The following MYO7B variants were observed in gnomAD, a reference collection of about 807,000 sequenced individuals.
MYO7B encodes myosin VIIB, also known as unconventional myosin-VIIb.
Under a neutral mutation model 259.7 loss-of-function variants are expected in MYO7B, and 212 were observed. The observed-to-expected ratio is 0.82, with a 90% CI of 0.73 to 0.91. The LOEUF (loss-of-function observed/expected upper bound fraction) is 0.91. Among genes scored for constraint, MYO7B ranks in the 40% least tolerant of loss-of-function variants. MYO7B has a pLI of 0.00. For missense variants in MYO7B, 2,732 were observed against 2,813.5 expected, an observed-to-expected ratio of 0.97 and a Z score of 0.66; for synonymous variants, 1,197 against 1,166.4, an observed-to-expected ratio of 1.03 and a Z score of -0.54.
chr2:127,588,756 G>GTGGA (rs1679406155), intron 15 of MYO7B, among the ~76,000 whole-genome samples: 4 of 145,102 alleles, frequency 2.8e-5, no homozygotes, highest in Admixed American at 6.9e-5. Flanking sequence ...TAGTGGGTGG[G>GTGGA]TGGATGGGTG....
At chr2:127,618,953 A>G (rs1401268693) in intron 26 of MYO7B, among the ~76,000 whole-genome samples, 1 of 151,888 alleles carries the variant, frequency 6.6e-6, no homozygotes, top group Non-Finnish European at 1.5e-5. Context: ...CATGCAGGAG[A>G]CAGATGGTAG....
chr2:127,580,203 C>T (rs1379639222), intron 9 of MYO7B, among the ~76,000 whole-genome samples: 2 of 152,178 alleles, frequency 1.3e-5, no homozygotes, highest in African/African-American at 4.8e-5. Flanking sequence ...CCAAAGGTCC[C>T]GTCCCCCACC....
intron 6 of MYO7B, among the ~76,000 whole-genome samples, chr2:127,570,984 C>T (rs1003357064): frequency 3.3e-5 from 5 of 152,196 alleles, no homozygotes; most frequent in African/African-American, 1.2e-4. Flanking sequence ...AGCTTCTCCA[C>T]CCGTTCAGGA....
rs978395946 is a variant in MYO7B at position 127,636,452 on chromosome 2, A to T, written c.6124-93A>T. 16 of 1,412,818 alleles carry T rather than the reference A, an allele frequency of 1.1e-5. 1 individual carries two copies. In the South Asian group the frequency reaches 1.6e-4, roughly 14 times the overall value. The allele number at this position is 1,412,818 out of a possible 1,614,324, so 87.5% of individuals were successfully genotyped here. On this transcript the variant is annotated intron_variant, in intron 45 of 47. Coordinates refer to ENST00000409816, the MANE Select transcript of MYO7B (RefSeq NM_001393586.1). The surrounding 1 kb of genome is among the most constrained non-coding windows in gnomAD (Gnocchi z 4.5). ...CCGTGAGGCTGGAGGGCGTGGGTGTATGTGTGTATGTGCGTGTGGCCTAGA... is the reference window on the plus strand; with the variant it reads ...CCGTGAGGCTGGAGGGCGTGGGTGTTTGTGTGTATGTGCGTGTGGCCTAGA...
intron 15 of MYO7B, among the ~76,000 whole-genome samples, chr2:127,589,027 G>A (rs1185813698): frequency 7.0e-6 from 1 of 143,838 alleles, no homozygotes; most frequent in African/African-American, 2.6e-5. Context: ...TGGTGGGTGG[G>A]TGGATGGATG....
rs779199293 is a variant in MYO7B at position 127,624,326 on chromosome 2, G to A, written c.4047+6G>A. ...GCGAGTACAGCTTCGAGAAGGTGAG[G>A]GGCCTGAGAGCCAGGTCCACCCTAG... On this transcript the variant is annotated splice_donor_region_variant and intron_variant, in intron 30 of 47. Transcript: ENST00000409816. The A allele has an allele frequency of 1.3e-6, 2 of 1,563,506 alleles. No homozygotes were observed. Among genetic ancestry groups the A allele is most frequent in the South Asian group, 1.2e-5 (1 of 84,830 alleles).
chr2:127,592,679 G>T, intron 16 of MYO7B, 115 bp from the exon 17 acceptor site: 2 of 1,377,074 alleles, frequency 1.5e-6, no homozygotes, highest in East Asian at 5.0e-5. Flanking sequence ...GCGGGGCGGG[G>T]GGCTGGACAC....
Position 127,628,255 on chromosome 2 carries a change from C to T in MYO7B, c.4461-117C>T. On this transcript the variant is annotated intron_variant, in intron 33 of 47. Transcript: ENST00000409816. The surrounding 1 kb of genome is among the most constrained non-coding windows in gnomAD (Gnocchi z 4.8). ...TGGCCTAGTCCTGGCCCTGGCAGAG[C>T]AGCTCTGTGTCCTCATCTGTGACTC... 2.4e-6 allele frequency: 3 copies of T among 1,264,542 alleles called. No homozygotes were observed. Among genetic ancestry groups the T allele is most frequent in the Non-Finnish European group, 3.3e-6 (3 of 899,736 alleles). 78.3% of individuals were successfully genotyped at this position (1,264,542 alleles called of 1,614,324 possible).
At chr2:127,558,846 A>G (rs953169414) in intron 1 of MYO7B, among the ~76,000 whole-genome samples, 2 of 152,146 alleles carry the variant, frequency 1.3e-5, no homozygotes, top group Non-Finnish European at 2.9e-5. Context: ...AGCTATGAGG[A>G]TGCAAAGGTG....
Position 127,627,853 on chromosome 2 carries a change from A to C in MYO7B, c.4461-519A>C, listed in dbSNP as rs1299146946. On this transcript the variant is annotated intron_variant, in intron 33 of 47. Transcript: ENST00000409816. The surrounding 1 kb of genome is among the most constrained non-coding windows in gnomAD (Gnocchi z 5.6). ...CCAGAGCGCCCCTTGGTTGAAGCACACAACAGAGTGGCACATGCATCTCTG... is the reference window on the plus strand; with the variant it reads ...CCAGAGCGCCCCTTGGTTGAAGCACCCAACAGAGTGGCACATGCATCTCTG... 1.3e-5 allele frequency: 6 copies of C among 458,076 alleles called. No individual in the cohort carries two copies. The highest frequency in any genetic ancestry group is 1.2e-4 in the Admixed American group (5 of 42,612). The allele number at this position is 458,076 out of a possible 1,614,324, so 28.4% of individuals were successfully genotyped here. A position where few individuals can be genotyped will look rare whatever the true frequency, so the allele number is the denominator to read the frequency against.
intron 26 of MYO7B, among the ~76,000 whole-genome samples, chr2:127,618,553 C>T (rs563153270): frequency 6.6e-6 from 1 of 152,324 alleles, no homozygotes; most frequent in East Asian, 1.9e-4. Context: ...TTCTGGGCGG[C>T]AGACGCAGTT....
At chr2:127,617,661 C>T (rs1162264345) in intron 26 of MYO7B, among the ~76,000 whole-genome samples, 2 of 149,920 alleles carry the variant, frequency 1.3e-5, no homozygotes, top group Non-Finnish European at 3.0e-5. Context: ...CGCCACCGCG[C>T]CCGGCTAATT....
intron 4 of MYO7B, among the ~76,000 whole-genome samples, chr2:127,565,713 C>T (rs1261209527): frequency 6.6e-6 from 1 of 152,240 alleles, no homozygotes; most frequent in Non-Finnish European, 1.5e-5. Context: ...AGTCACTAGA[C>T]AGAAAGCCCC....
chr2:127,625,384 A>C lies in MYO7B; in HGVS notation c.4064A>C (p.Glu1355Ala). The C allele has an allele frequency of 6.3e-7, 1 of 1,589,340 alleles. No individual in the cohort carries two copies. The highest frequency in any genetic ancestry group is 8.6e-7 in the Non-Finnish European group (1 of 1,168,554). ...GCTGTGCAGGAGGAAGAGCTGGTTG[A>C]GCTGCTGGCCCGGCACTGCTACGTG... is the stretch of plus-strand genomic sequence containing the variant. ...YSFEKEEELV[E>A]LLARHCYVQL... Residue 1355 changes from glutamate (E) to alanine (A), a missense_variant, in exon 31 of 48, where the codon GAG becomes GCG. Around this residue, in one of 3 missense-constraint regions of MYO7B, gnomAD observed 1,906 missense variants for 2,026.4 expected, o/e 0.94. Transcript: ENST00000409816.
intron 19 of MYO7B, among the ~76,000 whole-genome samples, chr2:127,600,901 G>T (rs769243229): frequency 6.6e-6 from 1 of 152,208 alleles, no homozygotes; most frequent in East Asian, 1.9e-4. Flanking sequence ...TGAGGCAGGA[G>T]ATTAGATTAT....
chr2:127,565,125 A>T, intron 3 of MYO7B, 108 bp from the exon 4 acceptor site: 2 of 1,396,312 alleles, frequency 1.4e-6, no homozygotes, highest in Non-Finnish European at 1.9e-6. Context: ...CAGCTGATCC[A>T]TGACCCGGAA....
chr2:127,626,921 G>C (rs1681158671), intron 31 of MYO7B, 54 bp from the exon 32 acceptor site: 1 of 1,475,568 alleles, frequency 6.8e-7, no homozygotes, highest in Non-Finnish European at 9.3e-7. Flanking sequence ...CACTAGGTGA[G>C]GGATTCACTA....
Position 127,571,371 on chromosome 2 carries a change from G to A in MYO7B, c.592+1461G>A, listed in dbSNP as rs1322428474. Among the ~76,000 whole-genome samples, 2 of 138,344 alleles carry A rather than the reference G, an allele frequency of 1.4e-5. 1 individual carries two copies. Among genetic ancestry groups the A allele is most frequent in the African/African-American group, 5.3e-5 (2 of 37,760 alleles). 90.8% of individuals were successfully genotyped at this position (138,344 alleles called of 152,430 possible). On this transcript the variant is annotated intron_variant, in intron 6 of 47. Transcript: ENST00000409816. ...TACCTCCGCTCTGTATATCTTCTCT[G>A]GTGAAGTGTCAGTTCAAATCTTTTG...
Position 127,578,021 on chromosome 2 carries a change from C to A in MYO7B, c.850-112C>A, listed in dbSNP as rs1425659147. 3 of 1,267,970 alleles carry A rather than the reference C, an allele frequency of 2.4e-6. No individual in the cohort carries two copies. The Admixed American group carries it at 6.7e-5, about 28-fold the overall frequency. The allele number at this position is 1,267,970 out of a possible 1,614,324, so 78.5% of individuals were successfully genotyped here. Reference sequence around the variant, plus strand: ...TGAAAAGAGTTTTTGAGCGTGGACCCTACGTGGTCCACCCATTGCCTATGA... The same window carrying A: ...TGAAAAGAGTTTTTGAGCGTGGACCATACGTGGTCCACCCATTGCCTATGA... On this transcript the variant is annotated intron_variant, in intron 8 of 47. Transcript: ENST00000409816.
Sources: allele counts gnomAD v4.1 joint callset (sites outside exome capture counted in the v4.1 genomes callset), GRCh38; gene constraint gnomAD v4.1.1; regional missense constraint gnomAD v4.1.1; non-coding constraint Gnocchi (gnomAD v3.1); transcripts MANE v1.5; gene names NCBI Gene and HGNC (gene_info 2026-07-23, HGNC 2026-07-21).